COPB2: variants seen among roughly 807,000 people sequenced by gnomAD.
COPB2 encodes the protein coat protein complex I subunit beta 2.
In COPB2, 16 loss-of-function variants were observed where a neutral mutation model predicts 120.8. The observed-to-expected ratio is 0.13, with a 90% CI of 0.09 to 0.20. COPB2 has a LOEUF of 0.20. COPB2 is among the 10% of genes least tolerant of loss of function. The probability of loss-of-function intolerance (pLI) is 1.00; values close to 1 mark genes in which losing one functional copy is unlikely to be tolerated. For missense variants in COPB2, 794 were observed against 1,076.5 expected (o/e 0.74, Z 3.67); for synonymous variants, 332 against 366.3 (o/e 0.91, Z 1.07).
Position 139,366,750 on chromosome 3 carries a change from G to A in COPB2, c.1702C>T (p.Pro568Ser), listed in dbSNP as rs148644997. The change falls in exon 15 of 22, where the codon CCT (proline) becomes TCT (serine). Residue 568 changes from proline to serine, a missense_variant. By Grantham distance (74) the Pro-to-Ser change is moderately conservative. Around this residue, in one of 3 missense-constraint regions of COPB2, gnomAD observed 610 missense variants for 866.7 expected, o/e 0.70. Transcript: ENST00000333188. ...CCCAGATAAAGCCTGTTGTCTTTAGGAATGTAGCCTAGGAGATACATCGTC... is the reference window on the plus strand; with the variant it reads ...CCCAGATAAAGCCTGTTGTCTTTAGAAATGTAGCCTAGGAGATACATCGTC... ...DRTMYLLGYI[P>S]KDNRLYLGDK... 8.6e-4 allele frequency: 1,390 copies of A among 1,613,880 alleles called. 2 individuals are homozygous for A. Among genetic ancestry groups the A allele is most frequent in the Middle Eastern group, 2.5e-3 (15 of 6,050 alleles).
At chr3:139,371,883 T>A in intron 9 of COPB2, 50 bp from the exon 10 acceptor site, 1 of 1,401,532 alleles carries the variant, frequency 7.1e-7, no homozygotes, top group Non-Finnish European at 1.0e-6. Context: ...CAAAGACATG[T>A]AGAAGTTAAG....
intron 2 of COPB2, 124 bp downstream of exon 2, chr3:139,383,174 G>A: frequency 1.8e-6 from 2 of 1,099,476 alleles, no homozygotes; most frequent in Non-Finnish European, 2.7e-6. Context: ...AAAATACTTT[G>A]TACCAACTTG....
Position 139,375,567 on chromosome 3 carries a change from A to C in COPB2, c.552T>G (p.His184Gln), listed in dbSNP as rs895199866. 2 of 1,614,084 alleles carry C rather than the reference A, an allele frequency of 1.2e-6. No homozygotes were observed. Among genetic ancestry groups the C allele is most frequent in the Non-Finnish European group, 1.7e-6 (2 of 1,179,958 alleles). Residue 184 changes from histidine to glutamine, a missense_variant, in exon 6 of 22, where the codon CAT (histidine) becomes CAG (glutamine). Physicochemically the swap from His to Gln is conservative, Grantham distance 24. Around this residue, in one of 3 missense-constraint regions of COPB2, gnomAD observed 610 missense variants for 866.7 expected, o/e 0.70. Transcript: ENST00000333188. Reference protein sequence around the residue: ...SSSPNFTLEGHEKGVNCIDYY... With the variant: ...SSSPNFTLEGQEKGVNCIDYY... Reference sequence around the variant, plus strand: ...AATCAATGCAATTCACGCCTTTCTCATGTCCTTCCAAAGTGAAGTTTGGTG... The same window carrying C: ...AATCAATGCAATTCACGCCTTTCTCCTGTCCTTCCAAAGTGAAGTTTGGTG...
intron 10 of COPB2, among the ~76,000 whole-genome samples, chr3:139,370,600 A>C (rs1941606807): frequency 6.6e-6 from 1 of 152,246 alleles, no homozygotes; most frequent in Non-Finnish European, 1.5e-5. Flanking sequence ...ATGGTTCATT[A>C]ATCAGCCATC....
intron 1 of COPB2, among the ~76,000 whole-genome samples, chr3:139,387,270 GAAAA>G (rs936918194): frequency 1.3e-5 from 2 of 148,818 alleles, no homozygotes; most frequent in African/African-American, 5.2e-5. Flanking sequence ...AAAAGAAAAA[GAAAA>G]GAAAGAAAAG....
In COPB2 at chr3:139,367,121, C is replaced by T. The variant is rs779309997; in HGVS notation, c.1570G>A (p.Val524Met). 4 of 1,613,656 alleles carry T rather than the reference C, an allele frequency of 2.5e-6. No homozygotes were observed. The highest frequency in any genetic ancestry group is 4.5e-5 in the East Asian group (2 of 44,874). The change falls in exon 14 of 22, where the codon GTG becomes ATG. Residue 524 changes from valine to methionine, a missense_variant. This residue lies in a region of COPB2 where 610 missense variants were observed against 866.7 expected (regional missense o/e 0.70). Coordinates refer to ENST00000333188, the MANE Select transcript of COPB2 (RefSeq NM_004766.3). ...TCGCCTACCCAAAGCCCTGTTTTCA[C>T]AATTTCCTGAATCTCACCAAGAACC... ...FEVLGEIQEIVKTGLWVGDCF... is the reference protein window; with the variant it reads ...FEVLGEIQEIMKTGLWVGDCF...
At chr3:139,367,903 A>C (rs1941548339) in intron 13 of COPB2, among the ~76,000 whole-genome samples, 1 of 152,232 alleles carries the variant, frequency 6.6e-6, no homozygotes. Flanking sequence ...TCTTTACTGA[A>C]AGATATCAAA....
chr3:139,357,845 A>G lies in COPB2; in HGVS notation c.*18T>C. 7.2e-7 allele frequency: 1 copy of G among 1,381,318 alleles called. No homozygotes were observed. The highest frequency in any genetic ancestry group is 1.0e-6 in the Non-Finnish European group (1 of 980,160). The allele number at this position is 1,381,318 out of a possible 1,614,324, so 85.6% of individuals were successfully genotyped here. A position where few individuals can be genotyped will look rare whatever the true frequency, so the allele number is the denominator to read the frequency against. On this transcript the variant is annotated 3_prime_UTR_variant, in exon 22 of 22. Coordinates refer to ENST00000333188, the MANE Select transcript of COPB2 (RefSeq NM_004766.3). ...ATAATAATGATCTGTTTAGTCAGGT[A>G]AATGGAAAGCATTACAGTCAATCAT... is the stretch of plus-strand genomic sequence containing the variant.
intron 15 of COPB2, among the ~76,000 whole-genome samples, chr3:139,364,275 G>C (rs1166794564): frequency 1.3e-5 from 2 of 152,088 alleles, no homozygotes; most frequent in Non-Finnish European, 2.9e-5. Context: ...AAAGCATTCA[G>C]AAACTCTAGA....
intron 1 of COPB2, 72 bp from the exon 2 acceptor site, chr3:139,383,507 T>G: frequency 7.3e-7 from 1 of 1,360,650 alleles, no homozygotes; most frequent in Non-Finnish European, 9.8e-7. Flanking sequence ...ACTAAATAAG[T>G]GCATGAATAG....
At chr3:139,363,841 T>C (rs1941468601) in intron 15 of COPB2, among the ~76,000 whole-genome samples, 1 of 152,198 alleles carries the variant, frequency 6.6e-6, no homozygotes, top group Admixed American at 6.5e-5. Context: ...GAATACGATG[T>C]AAATAAGGCA....
At chr3:139,369,756 G>T (rs1941588073) in intron 10 of COPB2, among the ~76,000 whole-genome samples, 1 of 152,168 alleles carries the variant, frequency 6.6e-6, no homozygotes, top group South Asian at 2.1e-4. Flanking sequence ...TGTATGACAT[G>T]AATTACTAGG....
At chr3:139,381,517 T>A (rs553152535) in intron 2 of COPB2, 1 of 151,810 alleles carries the variant, frequency 6.6e-6, no homozygotes, top group African/African-American at 2.4e-5. Flanking sequence ...GGACCAACAG[T>A]GGGAAATAAG....
intron 21 of COPB2, 121 bp from the exon 22 acceptor site, chr3:139,358,079 C>T (rs1171914416): frequency 9.6e-7 from 1 of 1,044,454 alleles, no homozygotes; most frequent in East Asian, 2.4e-5. Flanking sequence ...AGCATCTTCC[C>T]ATTTCAAAGC....
At chr3:139,383,749 T>A (rs1941856377) in intron 1 of COPB2, among the ~76,000 whole-genome samples, 1 of 152,176 alleles carries the variant, frequency 6.6e-6, no homozygotes, top group African/African-American at 2.4e-5. Flanking sequence ...TGTTACCATG[T>A]TAAAAATTAA....
intron 5 of COPB2, among the ~76,000 whole-genome samples, chr3:139,376,003 C>T (rs1941707111): frequency 6.6e-6 from 1 of 152,166 alleles, no homozygotes; most frequent in Non-Finnish European, 1.5e-5. Context: ...AATCCCAGCA[C>T]TTTAGGAGGC....
At chr3:139,373,480 A>AT in intron 8 of COPB2, 68 bp from the exon 9 acceptor site, 2 of 1,567,456 alleles carry the variant, frequency 1.3e-6, no homozygotes, top group African/African-American at 1.4e-5. Context: ...AAAACAGATT[A>AT]TTTTTTTCAC....
Position 139,369,466 on chromosome 3 carries a change from A to G in COPB2, c.1284T>C (p.Phe428=), listed in dbSNP as rs749579905. The G allele has an allele frequency of 1.2e-5, 19 of 1,611,402 alleles. 1 individual carries two copies. In the South Asian group the frequency reaches 2.1e-4, roughly 18 times the overall value. ...FKEKKSFKPD[F]GAESIYGGFL... is the part of the protein sequence containing the mutation. ...GTAGATCACACTCACTTTCTGCTCC[A>G]AAATCTGGTTTAAATGATTTTTTTT... Residue 428 remains phenylalanine, a synonymous_variant, in exon 11 of 22, where the codon TTT becomes TTC. Transcript: ENST00000333188.
Position 139,373,421 on chromosome 3 carries a change from A to C in COPB2, c.895-9T>G, listed in dbSNP as rs1217777021. 6.2e-7 allele frequency: 1 copy of C among 1,613,962 alleles called. No homozygotes were observed. Among genetic ancestry groups the C allele is most frequent in the South Asian group, 1.1e-5 (1 of 91,068 alleles). On this transcript the variant is annotated splice_polypyrimidine_tract_variant and intron_variant, in intron 8 of 21. Coordinates refer to ENST00000333188, the MANE Select transcript of COPB2 (RefSeq NM_004766.3). The stretch of plus-strand genomic sequence containing the variant: ...GGTTCCTCCCGACCAAGCTGAAAGA[A>C]AGAAAAATAGCTCTCAGCAATGAAA...
Sources: allele counts gnomAD v4.1 joint callset (sites outside exome capture counted in the v4.1 genomes callset), GRCh38; gene constraint gnomAD v4.1.1; regional missense constraint gnomAD v4.1.1; transcripts MANE v1.5; gene names NCBI Gene and HGNC (gene_info 2026-07-23, HGNC 2026-07-21).